Variants in CLHC1 observed in about 807,000 individuals in gnomAD.
The protein encoded by CLHC1 is clathrin heavy chain linker domain-containing protein 1.
CLHC1 carries 72 observed loss-of-function variants against 69.5 expected under a neutral mutation model. The ratio of observed to expected loss-of-function variants is 1.04; its 90% CI spans 0.86 to 1.26. The LOEUF is 1.26. Among genes scored for constraint, CLHC1 ranks in the 50% most tolerant of loss-of-function variants. The probability of loss-of-function intolerance (pLI) is 0.00; values close to 1 mark genes in which losing one functional copy is unlikely to be tolerated. For missense variants in CLHC1, 790 were observed against 679.3 expected, an observed-to-expected ratio of 1.16 and a Z score of -1.81; for synonymous variants, 223 against 224.3, an observed-to-expected ratio of 0.99 and a Z score of 0.05.
rs146463473 is a variant in CLHC1, at chr2:55,174,012, GAA to G, written c.*1776_*1777del. ...TCTATCAATCATATAGGTCTCAAAG[GAA>G]AAAAAAAAAAAAAAAGGTTTTAAGC... On this transcript the variant is annotated 3_prime_UTR_variant, in exon 13 of 13. Transcript: ENST00000401408. Among the ~76,000 whole-genome samples, 9,651 of 127,164 alleles carry G rather than the reference GAA, an allele frequency of 0.076. 395 individuals are homozygous for G. The highest frequency in any genetic ancestry group is 0.14 in the Admixed American group (1,880 of 12,966). 83.4% of individuals were successfully genotyped at this position (127,164 alleles called of 152,430 possible). A position where few individuals can be genotyped will look rare whatever the true frequency, so the allele number is the denominator to read the frequency against.
At chr2:55,182,499 C>G (rs1670025699) in intron 9 of CLHC1, among the ~76,000 whole-genome samples, 1 of 152,162 alleles carries the variant, frequency 6.6e-6, no homozygotes, top group African/African-American at 2.4e-5. Flanking sequence ...ATTAATCCAT[C>G]AGATTATTTT....
intron 9 of CLHC1, among the ~76,000 whole-genome samples, chr2:55,199,881 C>T (rs1210216662): frequency 1.3e-5 from 2 of 151,990 alleles, no homozygotes; most frequent in African/African-American, 4.8e-5. Context: ...AGGAGTGAGT[C>T]CTTACTTAAT....
At chr2:55,178,332 G>A (rs13012766) in intron 11 of CLHC1, among the ~76,000 whole-genome samples, 72,064 of 152,040 alleles carry the variant, frequency 0.47, 17,569 homozygotes, top group Non-Finnish European at 0.53. Flanking sequence ...ACTTTAAGAA[G>A]CCAGTAGCTA....
At chr2:55,186,968 T>C (rs1192895300) in intron 9 of CLHC1, among the ~76,000 whole-genome samples, 1 of 151,864 alleles carries the variant, frequency 6.6e-6, no homozygotes, top group Non-Finnish European at 1.5e-5. Flanking sequence ...AGAGAAACTA[T>C]ATATTTAAAA....
At chr2:55,196,196 C>A (rs1388143359) in intron 9 of CLHC1, among the ~76,000 whole-genome samples, 4 of 152,196 alleles carry the variant, frequency 2.6e-5, no homozygotes, top group African/African-American at 9.7e-5. Context: ...TGAGTTCTGG[C>A]AAGCCTCACC....
At chr2:55,217,360 A>AT (rs1317320237) in intron 4 of CLHC1, among the ~76,000 whole-genome samples, 2 of 150,098 alleles carry the variant, frequency 1.3e-5, no homozygotes, top group Non-Finnish European at 3.0e-5. Flanking sequence ...TATTTTTAAT[A>AT]TTAAAAAAAA....
chr2:55,177,676 A>G lies in CLHC1; in HGVS notation c.1490T>C (p.Ile497Thr). Residue 497 changes from isoleucine to threonine, a missense_variant, in exon 12 of 13, where the codon ATA (isoleucine) becomes ACA (threonine). Ile to Thr is a moderately conservative substitution (Grantham distance 89, BLOSUM62 -1). Coordinates refer to ENST00000401408, the MANE Select transcript of CLHC1 (RefSeq NM_152385.4). ...CATGTCTGCAGAGAACAGATGAAGT[A>G]TAGCAAGACCAAAAGATAAAGATGG... ...KQPSLSFGLAILHLFSADMKK... is the reference protein window; with the variant it reads ...KQPSLSFGLATLHLFSADMKK... The G allele has an allele frequency of 6.2e-7, 1 of 1,613,456 alleles. No individual in the cohort carries two copies. The highest frequency in any genetic ancestry group is 8.5e-7 in the Non-Finnish European group (1 of 1,179,482).
At chr2:55,199,331 AG>A (rs1671724867) in intron 9 of CLHC1, among the ~76,000 whole-genome samples, 1 of 144,202 alleles carries the variant, frequency 6.9e-6, no homozygotes, top group Non-Finnish European at 1.5e-5. Flanking sequence ...AGAAATGCTG[AG>A]GGGAGTACTT....
At chr2:55,179,781 T>TTAC (rs1339348901) in intron 11 of CLHC1, among the ~76,000 whole-genome samples, 1 of 152,198 alleles carries the variant, frequency 6.6e-6, no homozygotes, top group Non-Finnish European at 1.5e-5. Context: ...TAATCTCAGA[T>TTAC]TACTGTTCAA....
rs368643021 is a variant in CLHC1, at chr2:55,220,534, T to C, written c.177+1701A>G. The stretch of plus-strand genomic sequence containing the variant: ...TAGTACAAACAGAAATCTTTTCTCC[T>C]CACCAGGAGAAAAGAAACAGGGACC... On this transcript the variant is annotated intron_variant, in intron 3 of 12. Transcript: ENST00000401408. Among the ~76,000 whole-genome samples the C allele has an allele frequency of 1.1e-3, 169 of 152,282 alleles. 2 individuals carry two copies. In the Middle Eastern group the frequency reaches 0.017, roughly 15 times the overall value.
chr2:55,218,821 G>C (rs747345060), intron 3 of CLHC1, among the ~76,000 whole-genome samples: 2 of 152,164 alleles, frequency 1.3e-5, no homozygotes, highest in Non-Finnish European at 2.9e-5. Context: ...ATTTCAGAGG[G>C]ATTGAAGAAT....
At chr2:55,203,667 G>C (rs929976988) in intron 9 of CLHC1, among the ~76,000 whole-genome samples, 3 of 152,046 alleles carry the variant, frequency 2.0e-5, no homozygotes, top group Admixed American at 2.0e-4. Context: ...AATCAAAATG[G>C]ATTAAATATT....
chr2:55,224,323 T>G (rs375519699), intron 2 of CLHC1: 61 of 465,746 alleles, frequency 1.3e-4, no homozygotes, highest in African/African-American at 1.1e-3. Context: ...AGTGTTTGAG[T>G]GTGAACTCCA....
chr2:55,191,907 A>C (rs12615414), intron 9 of CLHC1, among the ~76,000 whole-genome samples: 26,854 of 152,070 alleles, frequency 0.18, 2,625 homozygotes, highest in East Asian at 0.39. Flanking sequence ...GAGGCTGAGG[A>C]AGGAGGATCC....
chr2:55,215,604 T>C (rs1331211250), intron 4 of CLHC1, among the ~76,000 whole-genome samples: 1 of 152,208 alleles, frequency 6.6e-6, no homozygotes, highest in African/African-American at 2.4e-5. Context: ...TGGAGCAGTT[T>C]ACCTCTGGTT....
chr2:55,203,624 C>T (rs1281750657), intron 9 of CLHC1, among the ~76,000 whole-genome samples: 1 of 152,100 alleles, frequency 6.6e-6, no homozygotes, highest in Non-Finnish European at 1.5e-5. Context: ...AAAAATGAAA[C>T]TAGGCCCCTA....
chr2:55,225,108 C>T (rs1674565133), intron 2 of CLHC1: 2 of 153,930 alleles, frequency 1.3e-5, no homozygotes, highest in African/African-American at 4.8e-5. Context: ...GCATGACCCT[C>T]GGGGCCGAGG....
At chr2:55,208,556 T>A in intron 8 of CLHC1, 70 bp downstream of exon 8, 1 of 918,510 alleles carries the variant, frequency 1.1e-6, no homozygotes, top group Non-Finnish European at 1.8e-6. Flanking sequence ...ATTCCCAATC[T>A]GGTATGTTAT....
chr2:55,181,012 G>A (rs537984220), intron 10 of CLHC1, among the ~76,000 whole-genome samples: 7 of 151,994 alleles, frequency 4.6e-5, no homozygotes, highest in Admixed American at 1.3e-4. Context: ...ATTGAGTCTC[G>A]CTCTGTCACC....
Sources: gnomAD v4.1 joint callset for allele counts (sites outside exome capture counted in the v4.1 genomes callset) on GRCh38, gnomAD v4.1.1 for gene constraint, MANE v1.5 for transcripts, NCBI Gene and HGNC (gene_info 2026-07-23, HGNC 2026-07-21) for gene names.